ZFP69B: variants seen among roughly 807,000 people sequenced by gnomAD.
The protein encoded by ZFP69B is ZFP69 zinc finger protein B.
ZFP69B carries 20 observed loss-of-function variants against 19.7 expected under a neutral mutation model. That is an observed-to-expected ratio of 1.02 (90% confidence interval 0.71 to 1.48). ZFP69B has a LOEUF of 1.48. Among genes scored for constraint, ZFP69B ranks in the 40% most tolerant of loss-of-function variants. ZFP69B has a pLI of 0.00. For missense variants in ZFP69B, 583 were observed against 632.6 expected (o/e 0.92, Z 0.84); for synonymous variants, 220 against 222.7 (o/e 0.99, Z 0.11).
In ZFP69B at chr1:40,454,255, A is replaced by G. The variant is rs1310846798; in HGVS notation, c.180A>G (p.Arg60=). 6.2e-7 allele frequency: 1 copy of G among 1,603,532 alleles called. No individual in the cohort carries two copies. The highest frequency in any genetic ancestry group is 1.1e-5 in the South Asian group (1 of 88,682). The change falls in exon 2 of 5, where the codon AGA becomes AGG. Residue 60 remains arginine (R), a synonymous_variant. Coordinates refer to ENST00000361584, the MANE Select transcript of ZFP69B (RefSeq NM_023070.3). ...CCCAGGGCGAAAGTTTAGAGAGTAG[A>G]GTGACCCTTGGATCCCTGACAGCAG... The part of the protein sequence containing the change: ...DETQGESLES[R]VTLGSLTAES...
At chr1:40,452,924 A>C (rs1295929655) in intron 1 of ZFP69B, among the ~76,000 whole-genome samples, 1 of 152,112 alleles carries the variant, frequency 6.6e-6, no homozygotes, top group African/African-American at 2.4e-5. Flanking sequence ...TCATGATAAA[A>C]AGTTGGAATA....
rs190955267 is a variant in ZFP69B at position 40,456,325 on chromosome 1, C to T, written c.214-620C>T. ...TAAATGGCATGAGATCGTATCTCAT[C>T]GTGGTTTTGATTTGCATTTCTCTAA... On this transcript the variant is annotated intron_variant, in intron 2 of 4. Transcript: ENST00000361584. Among the ~76,000 whole-genome samples, 7 of 152,186 alleles carry T rather than the reference C, an allele frequency of 4.6e-5. No individual in the cohort carries two copies. The South Asian group carries it at 8.3e-4, about 18-fold the overall frequency.
At chr1:40,454,148 C>A in intron 1 of ZFP69B, 55 bp from the exon 2 acceptor site, 1 of 1,416,044 alleles carries the variant, frequency 7.1e-7, no homozygotes, top group Non-Finnish European at 9.6e-7. Flanking sequence ...TAGGCAGTTT[C>A]TCTGTTTGGG....
intron 2 of ZFP69B, 48 bp downstream of exon 2, chr1:40,454,336 TA>T: frequency 7.2e-7 from 1 of 1,394,382 alleles, no homozygotes; most frequent in South Asian, 1.4e-5. Context: ...TCTCAGATTT[TA>T]AGAGCGCAGG....
chr1:40,451,221 T>A, intron 1 of ZFP69B, 133 bp downstream of exon 1: 1 of 1,200,728 alleles, frequency 8.3e-7, no homozygotes. Flanking sequence ...TGATTGTGGC[T>A]CCTAGTCTGG....
At position 40,463,488 on chromosome 1, in the gene ZFP69B, C is replaced by G. The variant is rs757258487; in HGVS notation, c.1504C>G (p.Pro502Ala). Residue 502 changes from proline to alanine, a missense_variant, in exon 5 of 5, where the codon CCT (proline) becomes GCT (alanine). Physicochemically the swap from Pro to Ala is conservative, Grantham distance 27. Coordinates refer to ENST00000361584, the MANE Select transcript of ZFP69B (RefSeq NM_023070.3). ...TCAGAGAATTCATACTGGAGAAAAA[C>G]CTTATGATTGTAATGAGTGTGGAAA... ...KHQRIHTGEK[P>A]YDCNECGKAF... 6.2e-7 allele frequency: 1 copy of G among 1,614,076 alleles called. No homozygotes were observed. The highest frequency in any genetic ancestry group is 1.3e-5 in the African/African-American group (1 of 75,030).
chr1:40,458,664 G>A (rs1645256212), intron 4 of ZFP69B, among the ~76,000 whole-genome samples: 1 of 152,004 alleles, frequency 6.6e-6, no homozygotes, highest in Non-Finnish European at 1.5e-5. Flanking sequence ...TTACAGGTGT[G>A]AGCCACTGTG....
At position 40,457,432 on chromosome 1, in the gene ZFP69B, A is replaced by C. The variant is rs1204891503; in HGVS notation, c.429A>C (p.Pro143=). The part of the protein sequence containing the change: ...WLMERDISGV[P]SSDLKSKTKT... ...TGGAGAGAGATATTTCAGGAGTTCC[A>C]AGTTCAGGTAAGTGCAAGGCAGGTG... Residue 143 remains proline, a synonymous_variant, in exon 4 of 5, where the codon CCA becomes CCC. Transcript: ENST00000361584. 3.1e-6 allele frequency: 5 copies of C among 1,613,872 alleles called. No individual in the cohort carries two copies. The highest frequency in any genetic ancestry group is 3.4e-6 in the Non-Finnish European group (4 of 1,179,890).
At chr1:40,458,422 C>T (rs958670112) in intron 4 of ZFP69B, among the ~76,000 whole-genome samples, 6 of 152,070 alleles carry the variant, frequency 3.9e-5, no homozygotes, top group Non-Finnish European at 7.4e-5. Context: ...AATAAATCGA[C>T]TCCAAAATTT....
chr1:40,458,056 CTG>C (rs1645250247), intron 4 of ZFP69B, among the ~76,000 whole-genome samples: 1 of 152,160 alleles, frequency 6.6e-6, no homozygotes, highest in Non-Finnish European at 1.5e-5. Flanking sequence ...CCTGGGTTCT[CTG>C]TGAATGATAG....
rs1645297643 is a variant in ZFP69B at position 40,462,515 on chromosome 1, A to G, written c.531A>G (p.Thr177=). 6.2e-7 allele frequency: 1 copy of G among 1,614,074 alleles called. No homozygotes were observed. Among genetic ancestry groups the G allele is most frequent in the Non-Finnish European group, 8.5e-7 (1 of 1,180,034 alleles). Residue 177 remains threonine (T), a synonymous_variant, in exon 5 of 5, where the codon ACA becomes ACG. Coordinates refer to ENST00000361584, the MANE Select transcript of ZFP69B (RefSeq NM_023070.3). ...GTGGCCTAATGATGGAAAGATTTAC[A>G]AAAGGAAGCAGCATGTATTCCACCT... ...LHCGLMMERF[T]KGSSMYSTLG...
intron 4 of ZFP69B, among the ~76,000 whole-genome samples, chr1:40,461,037 T>A (rs1645279432): frequency 6.8e-6 from 1 of 146,064 alleles, no homozygotes; most frequent in Admixed American, 6.9e-5. Flanking sequence ...TCCTCGCTAC[T>A]CAGGAGGCTG....
chr1:40,454,262 C>T lies in ZFP69B; in HGVS notation c.187C>T (p.Leu63Phe). 1 of 1,597,892 alleles carries T rather than the reference C, an allele frequency of 6.3e-7. No homozygotes were observed. Among genetic ancestry groups the T allele is most frequent in the Non-Finnish European group, 8.5e-7 (1 of 1,171,072 alleles). The stretch of plus-strand genomic sequence containing the variant: ...CGAAAGTTTAGAGAGTAGAGTGACC[C>T]TTGGATCCCTGACAGCAGAATCCCA... ...QGESLESRVT[L>F]GSLTAESQEL... Residue 63 changes from leucine (L) to phenylalanine (F), a missense_variant, in exon 2 of 5, where the codon CTT becomes TTT. Coordinates refer to ENST00000361584, the MANE Select transcript of ZFP69B (RefSeq NM_023070.3).
chr1:40,453,589 A>G (rs144593586), intron 1 of ZFP69B, among the ~76,000 whole-genome samples: 54 of 152,272 alleles, frequency 3.5e-4, no homozygotes, highest in Non-Finnish European at 6.6e-4. Flanking sequence ...GTGGGGTACT[A>G]TCCACATGTA....
chr1:40,452,254 A>G (rs1354668414), intron 1 of ZFP69B, among the ~76,000 whole-genome samples: 2 of 152,254 alleles, frequency 1.3e-5, no homozygotes, highest in African/African-American at 4.8e-5. Flanking sequence ...CAAATTACTT[A>G]CTAAATGGCA....
intron 4 of ZFP69B, among the ~76,000 whole-genome samples, chr1:40,462,151 C>T (rs1003213167): frequency 5.3e-5 from 8 of 152,004 alleles, no homozygotes; most frequent in Non-Finnish European, 1.0e-4. Flanking sequence ...AACTCCTGGG[C>T]TCAAGCAATC....
chr1:40,457,145 G>T (rs1260734841), intron 3 of ZFP69B, 74 bp downstream of exon 3: 1 of 1,582,006 alleles, frequency 6.3e-7, no homozygotes, highest in African/African-American at 1.4e-5. Flanking sequence ...TAAGTGCTTT[G>T]TTTGGGCTTT....
Position 40,463,440 on chromosome 1 carries a change from C to T in ZFP69B, c.1456C>T (p.His486Tyr). The T allele has an allele frequency of 6.2e-7, 1 of 1,614,110 alleles. No individual in the cohort carries two copies. ...ECSHCGKAFR[H>Y]DSSFAKHQRI... ...CAGTCATTGTGGGAAAGCCTTTAGG[C>T]ATGATTCATCCTTTGCTAAACATCA... The change falls in exon 5 of 5, where the codon CAT becomes TAT. Residue 486 changes from histidine to tyrosine, a missense_variant. Transcript: ENST00000361584.
rs756817025 is a variant in ZFP69B, at chr1:40,463,216, T to C, written c.1232T>C (p.Ile411Thr). The C allele has an allele frequency of 6.2e-7, 1 of 1,614,174 alleles. No individual in the cohort carries two copies. Among genetic ancestry groups the C allele is most frequent in the African/African-American group, 1.3e-5 (1 of 75,046 alleles). Residue 411 changes from isoleucine (I) to threonine (T), a missense_variant, in exon 5 of 5, where the codon ATT (isoleucine) becomes ACT (threonine). By Grantham distance (89) the Ile-to-Thr change is moderately conservative. Coordinates refer to ENST00000361584, the MANE Select transcript of ZFP69B (RefSeq NM_023070.3). Reference protein sequence around the residue: ...FQIRHLRQHEIIHTGVKPYIC... With the variant: ...FQIRHLRQHETIHTGVKPYIC... ...ATTAGACACCTTAGGCAACATGAGATTATTCATACTGGTGTGAAACCCTAT... is the reference window on the plus strand; with the variant it reads ...ATTAGACACCTTAGGCAACATGAGACTATTCATACTGGTGTGAAACCCTAT...
Sources: allele counts gnomAD v4.1 joint callset (sites outside exome capture counted in the v4.1 genomes callset), GRCh38; gene constraint gnomAD v4.1.1; transcripts MANE v1.5; gene names NCBI Gene and HGNC (gene_info 2026-07-23, HGNC 2026-07-21).